The following VAV3 variants were observed in gnomAD, a reference collection of about 807,000 sequenced individuals.
VAV3 encodes the protein vav guanine nucleotide exchange factor 3, also known as guanine nucleotide exchange factor VAV3.
Under a neutral mutation model 131.2 loss-of-function variants are expected in VAV3, and 94 were observed. That is an observed-to-expected ratio of 0.72 (90% CI 0.61 to 0.85). The LOEUF (loss-of-function observed/expected upper bound fraction) is 0.85, where lower values mean the gene tolerates loss of function less well. VAV3 is among the 40% of genes least tolerant of loss of function. The pLI is 0.00. For synonymous variants in VAV3, 349 were observed against 342.0 expected, an observed-to-expected ratio of 1.02 and a Z score of -0.22; for missense variants, 939 against 1,002.7, an observed-to-expected ratio of 0.94 and a Z score of 0.86.
intron 2 of VAV3, among the ~76,000 whole-genome samples, chr1:107,824,291 G>C (rs1364570631): frequency 1.3e-5 from 2 of 152,220 alleles, no homozygotes; most frequent in Admixed American, 1.3e-4. Context: ...AAATTTTTCT[G>C]AGAAAGGGAA....
At chr1:107,943,701 C>CA (rs1291906704) in intron 1 of VAV3, among the ~76,000 whole-genome samples, 1 of 152,212 alleles carries the variant, frequency 6.6e-6, no homozygotes, top group African/African-American at 2.4e-5. Context: ...GAGATGGTGC[C>CA]ACTGTGCTCC....
intron 4 of VAV3, among the ~76,000 whole-genome samples, chr1:107,773,976 A>T (rs994058952): frequency 3.9e-5 from 6 of 152,182 alleles, no homozygotes; most frequent in Admixed American, 6.5e-5. Flanking sequence ...CCTGCAAAAA[A>T]GTCAACCTTG....
At chr1:107,889,769 C>A (rs763290340) in intron 1 of VAV3, among the ~76,000 whole-genome samples, 20 of 152,198 alleles carry the variant, frequency 1.3e-4, no homozygotes, top group Non-Finnish European at 2.6e-4. Context: ...GCTGTATGAT[C>A]AGAAAGTGTC....
At chr1:107,950,978 A>T (rs1352274843) in intron 1 of VAV3, among the ~76,000 whole-genome samples, 2 of 152,138 alleles carry the variant, frequency 1.3e-5, no homozygotes, top group Non-Finnish European at 2.9e-5. Flanking sequence ...AACTTTCAAG[A>T]TATTCAAGAG....
intron 15 of VAV3, among the ~76,000 whole-genome samples, chr1:107,737,164 GAA>G (rs1662696374): frequency 6.6e-6 from 1 of 152,194 alleles, no homozygotes; most frequent in Non-Finnish European, 1.5e-5. Context: ...GTAGAAAGCT[GAA>G]ACTGGATCCC....
intron 1 of VAV3, among the ~76,000 whole-genome samples, chr1:107,877,636 T>G (rs1490817304): frequency 6.6e-6 from 1 of 152,236 alleles, no homozygotes; most frequent in Admixed American, 6.5e-5. Context: ...AAATATTTAC[T>G]GAATTTGAAA....
At chr1:107,733,355 G>A (rs545686806) in intron 15 of VAV3, among the ~76,000 whole-genome samples, 5 of 152,318 alleles carry the variant, frequency 3.3e-5, no homozygotes, top group East Asian at 1.9e-4. Flanking sequence ...GCAGCTCCTC[G>A]CCAGCAATGG....
At chr1:107,821,580 C>T (rs980508483) in intron 2 of VAV3, among the ~76,000 whole-genome samples, 4 of 152,094 alleles carry the variant, frequency 2.6e-5, no homozygotes, top group African/African-American at 9.7e-5. Context: ...AAGTGTGTGG[C>T]GTGTTCTAGG....
chr1:107,640,957 G>GGA (rs1655295779), intron 20 of VAV3, among the ~76,000 whole-genome samples: 1 of 152,154 alleles, frequency 6.6e-6, no homozygotes, highest in Admixed American at 6.6e-5. Context: ...ATGGAATACG[G>GGA]GATAAAAAGT....
At chr1:107,804,193 A>T (rs918152134) in intron 2 of VAV3, among the ~76,000 whole-genome samples, 3 of 152,038 alleles carry the variant, frequency 2.0e-5, no homozygotes, top group Admixed American at 2.0e-4. Context: ...TTATGTATTC[A>T]TCCAGCCTAT....
intron 25 of VAV3, among the ~76,000 whole-genome samples, chr1:107,583,796 G>A (rs1293761421): frequency 6.6e-6 from 1 of 152,180 alleles, no homozygotes; most frequent in African/African-American, 2.4e-5. Flanking sequence ...TTCATGGGTA[G>A]GAAGAATCAA....
At chr1:107,801,081 G>T (rs1254701277) in intron 2 of VAV3, among the ~76,000 whole-genome samples, 1 of 151,894 alleles carries the variant, frequency 6.6e-6, no homozygotes, top group African/African-American at 2.4e-5. Context: ...ACCACCTTTT[G>T]CCCACTGTAT....
intron 2 of VAV3, chr1:107,785,409 G>C: frequency 7.6e-7 from 1 of 1,319,282 alleles, no homozygotes; most frequent in Non-Finnish European, 1.0e-6. Flanking sequence ...GCCGGGTTCA[G>C]TAACAACAAC....
intron 1 of VAV3, among the ~76,000 whole-genome samples, chr1:107,962,212 G>A (rs1675119559): frequency 6.6e-6 from 1 of 152,182 alleles, no homozygotes; most frequent in Admixed American, 6.5e-5. Context: ...ACAAGTACTA[G>A]TAATGACATC....
At chr1:107,876,122 T>C (rs942735506) in intron 1 of VAV3, among the ~76,000 whole-genome samples, 6 of 152,012 alleles carry the variant, frequency 3.9e-5, no homozygotes, top group African/African-American at 1.4e-4. Flanking sequence ...AACCAGGAGA[T>C]AGGGTTTTCC....
At position 107,772,821 on chromosome 1, in the gene VAV3, C is replaced by T; in HGVS notation, c.469G>A (p.Glu157Lys). ...CCATAAACACAGTCATAGAGATCTTCTTCATCTTCCACAAGGGTTTCACTA... is the reference window on the plus strand; with the variant it reads ...CCATAAACACAGTCATAGAGATCTTTTTCATCTTCCACAAGGGTTTCACTA... ...LIDETLVEDE[E>K]DLYDCVYGED... The change falls in exon 5 of 27, where the codon GAA becomes AAA. Residue 157 changes from glutamate (E) to lysine (K), a missense_variant. Glu to Lys is a moderately conservative substitution (Grantham distance 56). Transcript: ENST00000370056. 11 of 1,613,556 alleles carry T rather than the reference C, an allele frequency of 6.8e-6. No homozygotes were observed. Among genetic ancestry groups the T allele is most frequent in the Non-Finnish European group, 8.5e-6 (10 of 1,179,770 alleles).
chr1:107,588,572 C>T (rs988049395), intron 25 of VAV3, among the ~76,000 whole-genome samples: 6 of 152,136 alleles, frequency 3.9e-5, no homozygotes, highest in Non-Finnish European at 7.4e-5. Flanking sequence ...TCTTTTAAGC[C>T]TCCTAACATG....
chr1:107,884,514 C>G (rs1388387415), intron 1 of VAV3, among the ~76,000 whole-genome samples: 2 of 151,042 alleles, frequency 1.3e-5, no homozygotes, highest in African/African-American at 4.9e-5. Context: ...AATCTCAGTT[C>G]ACTGCAGCCT....
intron 1 of VAV3, among the ~76,000 whole-genome samples, chr1:107,878,568 C>G (rs897505022): frequency 5.9e-5 from 9 of 152,154 alleles, no homozygotes; most frequent in Non-Finnish European, 1.0e-4. Flanking sequence ...TATTCTTTCA[C>G]TTGTATTTCC....
Sources: gnomAD v4.1 joint callset for allele counts (sites outside exome capture counted in the v4.1 genomes callset) on GRCh38, gnomAD v4.1.1 for gene constraint, MANE v1.5 for transcripts, NCBI Gene and HGNC (gene_info 2026-07-23, HGNC 2026-07-21) for gene names.